Variants in KCNH2 observed in about 807,000 individuals in gnomAD.
The protein encoded by KCNH2 is voltage-gated inwardly rectifying potassium channel KCNH2.
Under a neutral mutation model 95.9 loss-of-function variants are expected in KCNH2, and 35 were observed. The ratio of observed to expected loss-of-function variants is 0.37; its 90% CI spans 0.28 to 0.48. The LOEUF is 0.48. Ranked by LOEUF, KCNH2 falls within the 20% of genes least tolerant of loss-of-function variation. The pLI, the probability that KCNH2 is intolerant of heterozygous loss-of-function variation, is 0.99. For missense variants in KCNH2, 1,274 were observed against 1,702.9 expected, an observed-to-expected ratio of 0.75 and a Z score of 4.43; for synonymous variants, 786 against 754.7, an observed-to-expected ratio of 1.04 and a Z score of -0.68.
rs1800949508 is a variant in KCNH2, at chr7:150,947,522, CAG to C, written c.2966-10_2966-9del. 1.3e-6 allele frequency: 2 copies of C among 1,597,280 alleles called. No individual in the cohort carries two copies. Among genetic ancestry groups the C allele is most frequent in the Non-Finnish European group, 1.7e-6 (2 of 1,172,680 alleles). The stretch of plus-strand genomic sequence containing the variant: ...ACACTCCTGAGAAGGCGCCTGCAGC[CAG>C]AGAGCAGAGCTGGGTGAGCGGGGTA... On this transcript the variant is annotated splice_polypyrimidine_tract_variant and intron_variant, in intron 12 of 14. Coordinates refer to ENST00000262186, the MANE Select transcript of KCNH2 (RefSeq NM_000238.4).
rs794728354 is a variant in KCNH2, at chr7:150,959,589, G to A, written c.455C>T (p.Thr152Ile). ...ACACTTACCTGGGGCCAGCCAGCTG[G>A]TGGGGGGGCCCCGGTGGTTGGTGTC... ...AHDTNHRGPPTSWLAPGRAKT... is the reference protein window; with the variant it reads ...AHDTNHRGPPISWLAPGRAKT... Residue 152 changes from threonine to isoleucine, a missense_variant, in exon 3 of 15, where the codon ACC becomes ATC. By Grantham distance (89) the Thr-to-Ile change is moderately conservative. This residue lies in a region of KCNH2 where 392 missense variants were observed against 429.9 expected (regional missense o/e 0.91). Coordinates refer to ENST00000262186, the MANE Select transcript of KCNH2 (RefSeq NM_000238.4). The A allele has an allele frequency of 1.2e-6, 2 of 1,614,104 alleles. No homozygotes were observed. The highest frequency in any genetic ancestry group is 4.5e-5 in the East Asian group (2 of 44,874).
At chr7:150,947,964 CGA>C in intron 11 of KCNH2, 86 bp from the exon 12 acceptor site, 1 of 1,420,112 alleles carries the variant, frequency 7.0e-7, no homozygotes, top group East Asian at 2.5e-5. Context: ...GGAGCGAGCC[CGA>C]GAGAGGACTG....
In KCNH2 at chr7:150,961,563, G is replaced by C. The variant is rs961120891; in HGVS notation, c.308-1827C>G. Among the ~76,000 whole-genome samples, 6 of 152,208 alleles carry C rather than the reference G, an allele frequency of 3.9e-5. No individual in the cohort carries two copies. In the East Asian group the frequency reaches 1.2e-3, roughly 30 times the overall value. ...GATCTGCCTGCCTCGGCCTCCCAAAGTGCAAGGATTACAGGTGTGAGCCAC... is the reference window on the plus strand; with the variant it reads ...GATCTGCCTGCCTCGGCCTCCCAAACTGCAAGGATTACAGGTGTGAGCCAC... On this transcript the variant is annotated intron_variant, in intron 2 of 14. Coordinates refer to ENST00000262186, the MANE Select transcript of KCNH2 (RefSeq NM_000238.4). This position sits in a 1 kb window ranked among gnomAD's most constrained non-coding sequence, Gnocchi z 6.2.
chr7:150,959,777 G>C (rs763869385), intron 2 of KCNH2, 41 bp from the exon 3 acceptor site: 1 of 1,613,172 alleles, frequency 6.2e-7, no homozygotes, highest in South Asian at 1.1e-5. Context: ...CACCCACTCA[G>C]TGGGCAGAGC....
chr7:150,952,396 T>C lies in KCNH2; in HGVS notation c.1557+29A>G. On this transcript the variant is annotated intron_variant, in intron 6 of 14. Transcript: ENST00000262186. The surrounding 1 kb of genome is among the most constrained non-coding windows in gnomAD (Gnocchi z 7.3). Reference sequence around the variant, plus strand: ...CCACATTCCTGGCCTCTCCTCTCCCTACACCACCTGCCTCCTTGCTGACCC... The same window carrying C: ...CCACATTCCTGGCCTCTCCTCTCCCCACACCACCTGCCTCCTTGCTGACCC... The C allele has an allele frequency of 6.2e-7, 1 of 1,609,914 alleles. No individual in the cohort carries two copies. The highest frequency in any genetic ancestry group is 8.5e-7 in the Non-Finnish European group (1 of 1,177,768).
intron 4 of KCNH2, 110 bp from the exon 5 acceptor site, chr7:150,957,612 G>T: frequency 1.2e-6 from 1 of 807,494 alleles, no homozygotes; most frequent in Non-Finnish European, 2.1e-6. Context: ...GAGTCCATGG[G>T]GTCAGCTCAA....
At chr7:150,955,738 G>A (rs930776104) in intron 5 of KCNH2, 8 of 1,293,698 alleles carry the variant, frequency 6.2e-6, no homozygotes, top group Admixed American at 3.7e-5. Flanking sequence ...CCATGGCCCC[G>A]TGGCGTGGGC....
At chr7:150,966,647 C>A (rs915485918) in intron 2 of KCNH2, among the ~76,000 whole-genome samples, 1 of 151,712 alleles carries the variant, frequency 6.6e-6, no homozygotes, top group Non-Finnish European at 1.5e-5. Flanking sequence ...AAGATCAGCC[C>A]GCAAAAATAT....
In KCNH2 at chr7:150,951,957, C is replaced by T. The variant is rs1354002352; in HGVS notation, c.1558-122G>A. On this transcript the variant is annotated intron_variant, in intron 6 of 14. Coordinates refer to ENST00000262186, the MANE Select transcript of KCNH2 (RefSeq NM_000238.4). The stretch of plus-strand genomic sequence containing the variant: ...GATCCCCAAAGACTTCCTAGACCCT[C>T]CTCCTAAGAGGTGAAGCCCACACTG... The T allele has an allele frequency of 1.2e-5, 11 of 918,994 alleles. No homozygotes were observed. In the Middle Eastern group the frequency reaches 9.8e-4, roughly 82 times the overall value. The allele number at this position is 918,994 out of a possible 1,614,324, so 56.9% of individuals were successfully genotyped here.
At chr7:150,972,350 C>T (rs958778749) in intron 2 of KCNH2, among the ~76,000 whole-genome samples, 10 of 152,340 alleles carry the variant, frequency 6.6e-5, no homozygotes, top group African/African-American at 2.2e-4. Flanking sequence ...TCCTCACCTC[C>T]GCCTCCCTAC....
Position 150,957,317 on chromosome 7 carries a change from G to T in KCNH2, c.1102C>A (p.His368Asn). 1 of 1,593,176 alleles carries T rather than the reference G, an allele frequency of 6.3e-7. No homozygotes were observed. Among genetic ancestry groups the T allele is most frequent in the South Asian group, 1.1e-5 (1 of 88,070 alleles). Residue 368 changes from histidine (H) to asparagine (N), a missense_variant, in exon 5 of 15, where the codon CAC becomes AAC. Physicochemically the swap from His to Asn is moderately conservative, Grantham distance 68 (BLOSUM62 1). Coordinates refer to ENST00000262186, the MANE Select transcript of KCNH2 (RefSeq NM_000238.4). ...IIAPKIKERT[H>N]NVTEKVTQVL... ...TGGGTGACCTTCTCAGTGACATTGTGGGTTCGCTCCTTTATCTTAGGTGCT... is the reference window on the plus strand; with the variant it reads ...TGGGTGACCTTCTCAGTGACATTGTTGGTTCGCTCCTTTATCTTAGGTGCT...
chr7:150,945,392 G>A lies in KCNH2; in HGVS notation c.3453C>T (p.His1151=). ...AACTGCCCGGGTCCGAGCCGTGTCT[G>A]TGCAGGGGCTGGGAGGTGAGGGCCC... ...QLGALTSQPL[H]RHGSDPGS is the part of the protein sequence containing the mutation. Residue 1151 remains histidine, a synonymous_variant, in exon 15 of 15, where the codon CAC becomes CAT. Transcript: ENST00000262186. The surrounding 1 kb of genome is among the most constrained non-coding windows in gnomAD (Gnocchi z 5.6). 1 of 1,589,756 alleles carries A rather than the reference G, an allele frequency of 6.3e-7. No individual in the cohort carries two copies. Among genetic ancestry groups the A allele is most frequent in the South Asian group, 1.1e-5 (1 of 87,326 alleles).
chr7:150,963,901 G>A (rs987184118), intron 2 of KCNH2, among the ~76,000 whole-genome samples: 6 of 152,174 alleles, frequency 3.9e-5, no homozygotes, highest in Non-Finnish European at 7.4e-5. Context: ...GCGCCATCCT[G>A]CTACCACAGA....
rs1800876405 is a variant in KCNH2, at chr7:150,946,056, G to C, written c.3331-542C>G. Among the ~76,000 whole-genome samples the C allele has an allele frequency of 6.6e-6, 1 of 152,160 alleles. No individual in the cohort carries two copies. Among genetic ancestry groups the C allele is most frequent in the Admixed American group, 6.5e-5 (1 of 15,284 alleles). ...CGGGGGCGGCTGCGAAGGGAGACTG[G>C]CACATTTGCTGACGTGGGCCCTCGT... On this transcript the variant is annotated intron_variant, in intron 14 of 14. Transcript: ENST00000262186. The surrounding 1 kb of genome is among the most constrained non-coding windows in gnomAD (Gnocchi z 6.5).
At chr7:150,966,247 G>A (rs1801698693) in intron 2 of KCNH2, among the ~76,000 whole-genome samples, 1 of 152,072 alleles carries the variant, frequency 6.6e-6, no homozygotes. Context: ...TAGGCTTCTA[G>A]GTCTGTGCTC....
chr7:150,958,414 G>A lies in KCNH2; in HGVS notation c.561C>T (p.Gly187=). 7 of 1,433,552 alleles carry A rather than the reference G, an allele frequency of 4.9e-6. No individual in the cohort carries two copies. The highest frequency in any genetic ancestry group is 3.0e-5 in the East Asian group (1 of 33,090). The allele number at this position is 1,433,552 out of a possible 1,614,324, so 88.8% of individuals were successfully genotyped here. Residue 187 remains glycine, a synonymous_variant, in exon 4 of 15, where the codon GGC becomes GGT. Coordinates refer to ENST00000262186, the MANE Select transcript of KCNH2 (RefSeq NM_000238.4). ...ESSVRSGGAG[G]AGAPGAVVVD... ...CCACCACGGCCCCCGGGGCGCCCGC[G>A]CCGCCCGCGCCGCCCGACCGCACCG...
chr7:150,945,273 G>C lies in KCNH2; in HGVS notation c.*92C>G, dbSNP rs149750773. 286 of 1,386,822 alleles carry C rather than the reference G, an allele frequency of 2.1e-4. No individual in the cohort carries two copies. The highest frequency in any genetic ancestry group is 2.8e-4 in the Non-Finnish European group (283 of 1,027,062). The allele number at this position is 1,386,822 out of a possible 1,614,324, so 85.9% of individuals were successfully genotyped here. A position where few individuals can be genotyped will look rare whatever the true frequency, so the allele number is the denominator to read the frequency against. On this transcript the variant is annotated 3_prime_UTR_variant, in exon 15 of 15. Coordinates refer to ENST00000262186, the MANE Select transcript of KCNH2 (RefSeq NM_000238.4). The surrounding 1 kb of genome is among the most constrained non-coding windows in gnomAD (Gnocchi z 5.6). ...CTTTCGAGTTCCTCTCCCCTTCCAC[G>C]GTCAGGGCCTCCTGAGCAGGGCCTC...
intron 1 of KCNH2, among the ~76,000 whole-genome samples, chr7:150,976,554 A>C (rs953387075): frequency 6.6e-6 from 1 of 152,142 alleles, no homozygotes; most frequent in African/African-American, 2.4e-5. Flanking sequence ...AAGAAGAGCA[A>C]GTTTCTTCGA....
chr7:150,971,091 A>C (rs1008073096), intron 2 of KCNH2, among the ~76,000 whole-genome samples: 1 of 152,192 alleles, frequency 6.6e-6, no homozygotes. Context: ...GATTTAAAGG[A>C]ATGGGCACAG....
Sources: gnomAD v4.1 joint callset for allele counts (sites outside exome capture counted in the v4.1 genomes callset) on GRCh38, gnomAD v4.1.1 for gene constraint, gnomAD v4.1.1 regional missense constraint, Gnocchi (gnomAD v3.1) non-coding constraint, MANE v1.5 for transcripts, NCBI Gene and HGNC (gene_info 2026-07-23, HGNC 2026-07-21) for gene names.